C6orf89: variants seen among roughly 807,000 people sequenced by gnomAD.
C6orf89 encodes the protein chromosome 6 open reading frame 89.
C6orf89 carries 29 observed loss-of-function variants against 40.7 expected under a neutral mutation model. The observed-to-expected ratio is 0.71, with a 90% CI of 0.53 to 0.97. The LOEUF is 0.97. Among genes scored for constraint, C6orf89 ranks in the 50% least tolerant of loss-of-function variants. The probability of loss-of-function intolerance (pLI) is 0.00; values close to 1 mark genes in which losing one functional copy is unlikely to be tolerated. For missense variants in C6orf89, 392 were observed against 429.1 expected (o/e 0.91, Z 0.76); for synonymous variants, 165 against 152.2 (o/e 1.08, Z -0.62).
chr6:36,873,731 A>G (rs1042666224), intron 1 of C6orf89, among the ~76,000 whole-genome samples: 3 of 152,208 alleles, frequency 2.0e-5, no homozygotes, highest in Non-Finnish European at 4.4e-5. Flanking sequence ...GAGCAAATAG[A>G]GAGAGGACTG....
chr6:36,889,901 A>G (rs569920628), intron 1 of C6orf89, among the ~76,000 whole-genome samples: 2 of 152,370 alleles, frequency 1.3e-5, no homozygotes, highest in South Asian at 2.1e-4. Context: ...ATAACTTTCA[A>G]GTAGTTCTGG....
intron 4 of C6orf89, among the ~76,000 whole-genome samples, chr6:36,906,610 A>G (rs2395663): frequency 0.25 from 37,865 of 152,182 alleles, 5,004 homozygotes; most frequent in African/African-American, 0.31. Flanking sequence ...AGTGGTTCAA[A>G]TGCATTGCTT....
chr6:36,873,673 GC>G (rs1165705878), intron 1 of C6orf89, among the ~76,000 whole-genome samples: 1 of 152,164 alleles, frequency 6.6e-6, no homozygotes, highest in Non-Finnish European at 1.5e-5. Flanking sequence ...GTAGAATTTT[GC>G]CATATAAGGT....
At chr6:36,885,702 CTG>C (rs1561856024), upstream of C6orf89, among the ~76,000 whole-genome samples, 1 of 152,128 alleles carries the variant, frequency 6.6e-6, no homozygotes, top group Admixed American at 6.5e-5. Context: ...GCTATGAAGT[CTG>C]TGTGAGCCAG....
chr6:36,889,481 A>G (rs2150678854), intron 1 of C6orf89, among the ~76,000 whole-genome samples: 1 of 152,236 alleles, frequency 6.6e-6, no homozygotes, highest in South Asian at 2.1e-4. Context: ...TTCTGATAGT[A>G]GAAACTGGAA....
upstream of C6orf89, among the ~76,000 whole-genome samples, chr6:36,882,734 C>CTT (rs1178360256): frequency 3.2e-4 from 15 of 46,334 alleles, no homozygotes; most frequent in East Asian, 1.2e-3. Flanking sequence ...TTTCTTTTTT[C>CTT]TTTTTTTTTT....
intron 2 of C6orf89, among the ~76,000 whole-genome samples, chr6:36,879,914 G>A (rs1291745004): frequency 6.6e-6 from 1 of 152,208 alleles, no homozygotes; most frequent in African/African-American, 2.4e-5. Flanking sequence ...GCCTCTGCAA[G>A]CTCAAAATTA....
At chr6:36,920,553 C>T (rs1158905390) in intron 8 of C6orf89, among the ~76,000 whole-genome samples, 1 of 152,174 alleles carries the variant, frequency 6.6e-6, no homozygotes. Context: ...AGAAACCTTG[C>T]ATCTCATATG....
chr6:36,907,070 A>G (rs1015875338), intron 4 of C6orf89, among the ~76,000 whole-genome samples: 2 of 151,566 alleles, frequency 1.3e-5, no homozygotes, highest in Admixed American at 1.3e-4. Flanking sequence ...TCCTCCTTCC[A>G]TCCCTTCCTC....
chr6:36,907,120 T>C (rs1370953914), intron 4 of C6orf89, among the ~76,000 whole-genome samples: 1 of 152,204 alleles, frequency 6.6e-6, no homozygotes, highest in Non-Finnish European at 1.5e-5. Flanking sequence ...TAAATGTTTA[T>C]TGAGACCCTG....
At chr6:36,919,498 C>G in intron 7 of C6orf89, 80 bp from the exon 8 acceptor site, 1 of 1,514,514 alleles carries the variant, frequency 6.6e-7, no homozygotes, top group Non-Finnish European at 9.0e-7. Context: ...TATGTGAAAG[C>G]ATTTTTATTT....
chr6:36,898,210 G>A (rs1761513916), intron 2 of C6orf89, among the ~76,000 whole-genome samples: 1 of 151,842 alleles, frequency 6.6e-6, no homozygotes, highest in Admixed American at 6.6e-5. Flanking sequence ...AGCTTCCCAG[G>A]TAGCTGGGAC....
chr6:36,889,582 C>CAAAAA (rs58417436), intron 1 of C6orf89, among the ~76,000 whole-genome samples: 2 of 140,468 alleles, frequency 1.4e-5, no homozygotes, highest in Admixed American at 7.1e-5. Flanking sequence ...AAAACAAAAA[C>CAAAAA]AAAAAAAAAA....
At chr6:36,900,209 GT>G (rs1361126788) in intron 3 of C6orf89, among the ~76,000 whole-genome samples, 7 of 138,786 alleles carry the variant, frequency 5.0e-5, no homozygotes, top group Admixed American at 1.5e-4. Flanking sequence ...TTTTTTTGTT[GT>G]TTTTTTTTTG....
intron 2 of C6orf89, 135 bp from the exon 3 acceptor site, chr6:36,899,291 A>G: frequency 4.5e-6 from 3 of 663,224 alleles, no homozygotes; most frequent in African/African-American, 1.8e-5. Flanking sequence ...GTGTTTCATG[A>G]AAGTATTGGT....
chr6:36,882,785 C>T (rs1166738783), upstream of C6orf89, among the ~76,000 whole-genome samples: 623 of 136,608 alleles, frequency 4.6e-3, 3 homozygotes, highest in African/African-American at 0.016. Flanking sequence ...GGCGGGACTG[C>T]GGACTGCAGT....
At chr6:36,875,145 A>G (rs1215637105) in intron 1 of C6orf89, 3 of 244,652 alleles carry the variant, frequency 1.2e-5, no homozygotes, top group Non-Finnish European at 2.4e-5. Flanking sequence ...TAGTCTCACA[A>G]TTGGGCAGGG....
Position 36,926,474 on chromosome 6 carries a change from A to G in C6orf89, c.*3033A>G, listed in dbSNP as rs943867547. The G allele has an allele frequency of 1.2e-4, 18 of 151,770 alleles. No individual in the cohort carries two copies. The highest frequency in any genetic ancestry group is 3.2e-4 in the African/African-American group (13 of 41,264). The allele number at this position is 151,770 out of a possible 1,614,324, so 9.4% of individuals were successfully genotyped here. On this transcript the variant is annotated 3_prime_UTR_variant, in exon 9 of 9. Transcript: ENST00000480824. ...CTTGAACCGGGGAGGCGGAGATTGC[A>G]GTGAGCCAAGATTGTGCCACTTCAT... is the stretch of plus-strand genomic sequence containing the variant.
chr6:36,874,581 G>A, intron 1 of C6orf89: 4 of 1,198,200 alleles, frequency 3.3e-6, no homozygotes, highest in Non-Finnish European at 4.8e-6. Flanking sequence ...ACCCTCTGGG[G>A]GCCGTCTCGG....
Sources: gnomAD v4.1 joint callset for allele counts (sites outside exome capture counted in the v4.1 genomes callset) on GRCh38, gnomAD v4.1.1 for gene constraint, MANE v1.5 for transcripts, NCBI Gene and HGNC (gene_info 2026-07-23, HGNC 2026-07-21) for gene names.